Variants in TNR observed in about 807,000 individuals in gnomAD.
The protein encoded by TNR is tenascin R.
TNR carries 45 observed loss-of-function variants against 150.4 expected under a neutral mutation model. The ratio of observed to expected loss-of-function variants is 0.30; its 90% CI spans 0.24 to 0.38. The LOEUF (loss-of-function observed/expected upper bound fraction) is 0.38. Among genes scored for constraint, TNR ranks in the 10% least tolerant of loss-of-function variants. TNR has a pLI of 1.00. For synonymous variants in TNR, 687 were observed against 678.4 expected (o/e 1.01, Z -0.20); for missense variants, 1,544 against 1,759.1 (o/e 0.88, Z 2.19).
Position 175,365,868 on chromosome 1 carries a change from C to G in TNR, c.2317+7G>C. On this transcript the variant is annotated splice_region_variant and intron_variant, in intron 11 of 22. Coordinates refer to ENST00000367674, the MANE Select transcript of TNR (RefSeq NM_003285.3). ...GAACCTGGCTGGGATTTCTGCTGCTCTGGTACCTGTGAAAGCATCCACAGT... is the reference window on the plus strand; with the variant it reads ...GAACCTGGCTGGGATTTCTGCTGCTGTGGTACCTGTGAAAGCATCCACAGT... 6.2e-7 allele frequency: 1 copy of G among 1,612,788 alleles called. No homozygotes were observed. Among genetic ancestry groups the G allele is most frequent in the Non-Finnish European group, 8.5e-7 (1 of 1,179,098 alleles).
intron 8 of TNR, among the ~76,000 whole-genome samples, chr1:175,384,666 T>A (rs1010736311): frequency 2.0e-5 from 3 of 152,232 alleles, no homozygotes; most frequent in African/African-American, 7.2e-5. Flanking sequence ...GGCATTGCCC[T>A]TCTGTTCCCC....
At chr1:175,359,838 T>C in intron 14 of TNR, 107 bp from the exon 15 acceptor site, 1 of 1,384,240 alleles carries the variant, frequency 7.2e-7, no homozygotes, top group Non-Finnish European at 9.6e-7. Flanking sequence ...TGCTGCACTC[T>C]ACAAAACAAA....
intron 4 of TNR, among the ~76,000 whole-genome samples, chr1:175,398,979 C>T (rs1653568842): frequency 6.6e-6 from 1 of 152,232 alleles, no homozygotes; most frequent in Non-Finnish European, 1.5e-5. Flanking sequence ...GCAGAACTGA[C>T]TGTCAAACCC....
chr1:175,369,079 T>A (rs954520301), intron 9 of TNR, among the ~76,000 whole-genome samples: 1 of 152,226 alleles, frequency 6.6e-6, no homozygotes, highest in Non-Finnish European at 1.5e-5. Flanking sequence ...GGGCTTTGTG[T>A]GGGCTCATGG....
intron 2 of TNR, among the ~76,000 whole-genome samples, chr1:175,452,953 G>C (rs924589460): frequency 3.3e-5 from 5 of 152,144 alleles, no homozygotes; most frequent in Admixed American, 6.5e-5. Context: ...AAGCCCTTCA[G>C]ACAGGGGGCA....
intron 2 of TNR, among the ~76,000 whole-genome samples, chr1:175,493,731 G>T (rs1658355801): frequency 6.6e-6 from 1 of 152,196 alleles, no homozygotes; most frequent in Non-Finnish European, 1.5e-5. Context: ...GGGGGGTAGT[G>T]GTCCTGGCCC....
intron 2 of TNR, among the ~76,000 whole-genome samples, chr1:175,417,154 G>T (rs1162092851): frequency 6.6e-6 from 1 of 152,098 alleles, no homozygotes; most frequent in Non-Finnish European, 1.5e-5. Context: ...CGAAACTGAA[G>T]AACAAGGCAA....
At chr1:175,681,591 C>T (rs1162972350) in intron 1 of TNR, among the ~76,000 whole-genome samples, 1 of 152,224 alleles carries the variant, frequency 6.6e-6, no homozygotes, top group Non-Finnish European at 1.5e-5. Context: ...TTCCTGTCTC[C>T]TGCCCTCCAG....
rs947289018 is a variant in TNR, at chr1:175,519,294, G to T, written c.-64+8975C>A. Among the ~76,000 whole-genome samples, 4 of 152,184 alleles carry T rather than the reference G, an allele frequency of 2.6e-5. No individual in the cohort carries two copies. The East Asian group carries it at 5.8e-4, about 22-fold the overall frequency. ...ACCGGCATTTCTGATCTTCCAGTGT[G>T]TGTGTTCAGGGGAAGGAAATTGTTT... On this transcript the variant is annotated intron_variant, in intron 2 of 22. Transcript: ENST00000367674.
At chr1:175,618,043 T>C (rs191377297) in intron 1 of TNR, among the ~76,000 whole-genome samples, 1 of 152,348 alleles carries the variant, frequency 6.6e-6, no homozygotes, top group African/African-American at 2.4e-5. Context: ...AAATCTCTTT[T>C]GTTACTTAAT....
At chr1:175,348,303 T>C (rs771314001) in intron 18 of TNR, among the ~76,000 whole-genome samples, 4 of 152,176 alleles carry the variant, frequency 2.6e-5, no homozygotes, top group Non-Finnish European at 4.4e-5. Context: ...AAGGGATGAC[T>C]GTAGTATTAC....
intron 2 of TNR, among the ~76,000 whole-genome samples, chr1:175,497,084 G>T (rs1658518302): frequency 6.6e-6 from 1 of 152,192 alleles, no homozygotes; most frequent in Non-Finnish European, 1.5e-5. Context: ...TCTTAATTGT[G>T]ATACTAATTG....
chr1:175,577,114 A>G (rs1478629224), intron 1 of TNR, among the ~76,000 whole-genome samples: 1 of 152,160 alleles, frequency 6.6e-6, no homozygotes, highest in African/African-American at 2.4e-5. Context: ...GAGTTCATGC[A>G]GCGGGGTAAG....
At chr1:175,438,957 A>T (rs1258817297) in intron 2 of TNR, among the ~76,000 whole-genome samples, 1 of 152,148 alleles carries the variant, frequency 6.6e-6, no homozygotes, top group African/African-American at 2.4e-5. Flanking sequence ...GCCCAAGGTA[A>T]TTTATAGATT....
chr1:175,550,230 C>T (rs1170869559), intron 1 of TNR, among the ~76,000 whole-genome samples: 2 of 152,198 alleles, frequency 1.3e-5, no homozygotes, highest in African/African-American at 4.8e-5. Context: ...GAATGGGGTG[C>T]ACATGACACT....
chr1:175,466,153 C>A (rs947334219), intron 2 of TNR, among the ~76,000 whole-genome samples: 2 of 152,244 alleles, frequency 1.3e-5, no homozygotes, highest in Admixed American at 6.5e-5. Context: ...TCAAAACAAT[C>A]CTGTGAATTA....
At chr1:175,433,340 G>A (rs970818554) in intron 2 of TNR, among the ~76,000 whole-genome samples, 1 of 152,004 alleles carries the variant, frequency 6.6e-6, no homozygotes, top group African/African-American at 2.4e-5. Flanking sequence ...TCCCCTCTTC[G>A]GTCTTCACTA....
In TNR at chr1:175,396,404, C is replaced by T. The variant is rs1460482120; in HGVS notation, c.1240+140G>A. ...TGATGTACCCTTTCTAAATGGGTCA[C>T]ATCTCTAGCCCTTCCCCTCAAGGGC... On this transcript the variant is annotated intron_variant, in intron 5 of 22. Transcript: ENST00000367674. The T allele has an allele frequency of 9.1e-6, 10 of 1,098,650 alleles. No individual in the cohort carries two copies. The African/African-American group carries it at 1.6e-4, about 17-fold the overall frequency. 68.1% of individuals were successfully genotyped at this position (1,098,650 alleles called of 1,614,324 possible). A position where few individuals can be genotyped will look rare whatever the true frequency, so the allele number is the denominator to read the frequency against.
At chr1:175,651,631 C>T (rs1303617400) in intron 1 of TNR, among the ~76,000 whole-genome samples, 1 of 151,986 alleles carries the variant, frequency 6.6e-6, no homozygotes, top group Non-Finnish European at 1.5e-5. Flanking sequence ...TATACAGGCA[C>T]ATTCTGGTAG....
Sources: gnomAD v4.1 joint callset for allele counts (sites outside exome capture counted in the v4.1 genomes callset) on GRCh38, gnomAD v4.1.1 for gene constraint, MANE v1.5 for transcripts, NCBI Gene and HGNC (gene_info 2026-07-23, HGNC 2026-07-21) for gene names.